The following ATP8A2 variants were observed in gnomAD, a reference collection of about 807,000 sequenced individuals.
The protein encoded by ATP8A2 is ATPase phospholipid transporting 8A2.
A neutral mutation model predicts 165.6 loss-of-function variants in ATP8A2; 100 were observed. The ratio of observed to expected loss-of-function variants is 0.60; its 90% CI spans 0.51 to 0.71. ATP8A2 has a LOEUF of 0.71. Among genes scored for constraint, ATP8A2 ranks in the 30% least tolerant of loss-of-function variants. The pLI is 0.00. For synonymous variants in ATP8A2, 543 were observed against 548.8 expected (o/e 0.99, Z 0.15); for missense variants, 1,227 against 1,479.5 (o/e 0.83, Z 2.80).
At chr13:25,892,806 G>GT (rs35638068) in intron 33 of ATP8A2, among the ~76,000 whole-genome samples, 11,171 of 142,164 alleles carry the variant, frequency 0.079, 1,083 homozygotes, top group African/African-American at 0.22. Context: ...TTTTTAGTCT[G>GT]TTTTTTTTTT....
intron 25 of ATP8A2, among the ~76,000 whole-genome samples, chr13:25,764,423 T>C (rs1246767389): frequency 1.3e-5 from 2 of 152,232 alleles, no homozygotes; most frequent in African/African-American, 2.4e-5. Context: ...ACTATGGAAA[T>C]TTTGTATGTA....
intron 30 of ATP8A2, among the ~76,000 whole-genome samples, chr13:25,847,648 C>T (rs1459547579): frequency 6.6e-6 from 1 of 152,192 alleles, no homozygotes; most frequent in African/African-American, 2.4e-5. Context: ...AGAGTTATTT[C>T]TCACCCATGT....
At chr13:25,998,560 T>A (rs1857774154) in intron 35 of ATP8A2, among the ~76,000 whole-genome samples, 1 of 152,166 alleles carries the variant, frequency 6.6e-6, no homozygotes, top group African/African-American at 2.4e-5. Context: ...CTAGGTAGGC[T>A]TCTTTGTTCA....
At chr13:25,784,840 A>G (rs1222003634) in intron 27 of ATP8A2, among the ~76,000 whole-genome samples, 1 of 151,882 alleles carries the variant, frequency 6.6e-6, no homozygotes, top group Non-Finnish European at 1.5e-5. Context: ...ATCTCAGCTC[A>G]CTGCAACCTC....
intron 2 of ATP8A2, among the ~76,000 whole-genome samples, chr13:25,472,367 C>A (rs1335369367): frequency 6.9e-6 from 1 of 145,840 alleles, no homozygotes; most frequent in Admixed American, 7.0e-5. Flanking sequence ...GCACTCTAGC[C>A]TGGGTGACAG....
intron 25 of ATP8A2, among the ~76,000 whole-genome samples, chr13:25,720,610 C>G (rs931177856): frequency 1.3e-5 from 2 of 152,176 alleles, no homozygotes; most frequent in Non-Finnish European, 2.9e-5. Context: ...GGCCTCTTCC[C>G]TTACACAGGA....
At chr13:25,729,668 G>C (rs1435360906) in intron 25 of ATP8A2, among the ~76,000 whole-genome samples, 3 of 151,670 alleles carry the variant, frequency 2.0e-5, no homozygotes, top group Non-Finnish European at 4.4e-5. Flanking sequence ...CTGTTGGCTT[G>C]TTTTGTTTGA....
At chr13:25,743,150 G>T (rs994303977) in intron 25 of ATP8A2, among the ~76,000 whole-genome samples, 2 of 152,024 alleles carry the variant, frequency 1.3e-5, no homozygotes, top group African/African-American at 4.8e-5. Context: ...TCCTTATAAA[G>T]AGGAGAAATT....
At chr13:25,578,644 C>G (rs1707567241) in intron 20 of ATP8A2, among the ~76,000 whole-genome samples, 171 bp from the exon 21 acceptor site, 1 of 152,062 alleles carries the variant, frequency 6.6e-6, no homozygotes, top group African/African-American at 2.4e-5. Flanking sequence ...ACATTCATAC[C>G]CAATTTGTTT....
At chr13:25,753,183 C>T (rs114071454) in intron 25 of ATP8A2, among the ~76,000 whole-genome samples, 195 of 152,284 alleles carry the variant, frequency 1.3e-3, no homozygotes, top group African/African-American at 4.4e-3. Context: ...GCCAACAGCA[C>T]GTCCAAGAAC....
intron 24 of ATP8A2, among the ~76,000 whole-genome samples, chr13:25,613,301 G>T (rs1245998592): frequency 6.6e-6 from 1 of 152,120 alleles, no homozygotes; most frequent in Non-Finnish European, 1.5e-5. Flanking sequence ...AGAAGTTCTT[G>T]GCTGGGCATG....
chr13:25,907,058 C>A (rs369962850), intron 33 of ATP8A2, among the ~76,000 whole-genome samples: 1 of 152,106 alleles, frequency 6.6e-6, no homozygotes. Flanking sequence ...GGTGAAACCC[C>A]GTCTCTACCA....
intron 4 of ATP8A2, among the ~76,000 whole-genome samples, chr13:25,531,358 T>C (rs1165653184): frequency 7.5e-6 from 1 of 134,116 alleles, no homozygotes; most frequent in Non-Finnish European, 1.5e-5. Flanking sequence ...ATATATGTTA[T>C]ATATGATATA....
intron 27 of ATP8A2, among the ~76,000 whole-genome samples, chr13:25,798,601 G>A (rs1354623561): frequency 2.6e-5 from 4 of 152,280 alleles, no homozygotes; most frequent in South Asian, 2.1e-4. Flanking sequence ...ATTTCAAATT[G>A]CTGTGCATTG....
At chr13:25,660,752 G>T (rs1359200235) in intron 24 of ATP8A2, among the ~76,000 whole-genome samples, 2 of 152,156 alleles carry the variant, frequency 1.3e-5, no homozygotes, top group African/African-American at 4.8e-5. Context: ...AAGAGCAGGG[G>T]CTGTCACAAC....
chr13:25,665,521 G>A (rs1360090367), intron 24 of ATP8A2, among the ~76,000 whole-genome samples: 4 of 151,626 alleles, frequency 2.6e-5, no homozygotes, highest in Non-Finnish European at 2.9e-5. Context: ...TTCAATCCCT[G>A]GTACATGACT....
intron 1 of ATP8A2, among the ~76,000 whole-genome samples, chr13:25,378,925 T>C (rs1033621809): frequency 6.6e-6 from 1 of 152,244 alleles, no homozygotes; most frequent in African/African-American, 2.4e-5. Flanking sequence ...TTCTTACGGA[T>C]CCTCACACCA....
chr13:25,875,290 A>G (rs957043004), intron 33 of ATP8A2, among the ~76,000 whole-genome samples: 2 of 149,462 alleles, frequency 1.3e-5, no homozygotes, highest in African/African-American at 2.6e-5. Context: ...TTACTGATTC[A>G]TATCAGCTTC....
chr13:25,716,661 G>A (rs1020140777), intron 25 of ATP8A2, among the ~76,000 whole-genome samples: 16 of 152,136 alleles, frequency 1.1e-4, no homozygotes, highest in Admixed American at 4.6e-4. Flanking sequence ...AAGGAGTAGC[G>A]ATGAGAATAG....
Sources: allele counts gnomAD v4.1 joint callset (sites outside exome capture counted in the v4.1 genomes callset), GRCh38; gene constraint gnomAD v4.1.1; transcripts MANE v1.5; gene names NCBI Gene and HGNC (gene_info 2026-07-23, HGNC 2026-07-21).